Variants in ITGB1 observed in about 807,000 individuals in gnomAD.
The protein encoded by ITGB1 is integrin subunit beta 1.
ITGB1 carries 24 observed loss-of-function variants against 86.5 expected under a neutral mutation model. The observed-to-expected ratio is 0.28, with a 90% confidence interval of 0.20 to 0.39. ITGB1 has a LOEUF of 0.39. Ranked by LOEUF, ITGB1 falls within the 10% of genes least tolerant of loss-of-function variation. ITGB1 has a pLI of 1.00. For missense variants in ITGB1, 556 were observed against 946.9 expected, an observed-to-expected ratio of 0.59 and a Z score of 5.42; for synonymous variants, 323 against 316.8, an observed-to-expected ratio of 1.02 and a Z score of -0.21.
intron 1 of ITGB1, among the ~76,000 whole-genome samples, chr10:32,938,630 A>G (rs1410945961): frequency 4.6e-5 from 7 of 152,226 alleles, no homozygotes; most frequent in African/African-American, 1.4e-4. Context: ...CAGGCGAAAC[A>G]AGGCTTCAGT....
intron 15 of ITGB1, among the ~76,000 whole-genome samples, chr10:32,907,941 G>A (rs2094901716): frequency 6.6e-6 from 1 of 152,216 alleles, no homozygotes; most frequent in Non-Finnish European, 1.5e-5. Context: ...CCGACGAGCT[G>A]CGAGTTGGAC....
At position 32,911,612 on chromosome 10, in the gene ITGB1, T is replaced by A; in HGVS notation, c.1767A>T (p.Ala589=). 5 of 1,614,200 alleles carry A rather than the reference T, an allele frequency of 3.1e-6. No homozygotes were observed. The highest frequency in any genetic ancestry group is 4.2e-6 in the Non-Finnish European group (5 of 1,180,018). Residue 589 remains alanine (A), a synonymous_variant, in exon 13 of 16, where the codon GCA becomes GCT. Transcript: ENST00000302278. ...TACTAGTATCCAAAGAACAGTCACA[T>A]GCACTGCCAGTGTAGTTGGGGTTGC... ...CECNPNYTGS[A]CDCSLDTSTC... is the part of the protein sequence containing the mutation.
At position 32,911,651 on chromosome 10, in the gene ITGB1, A is replaced by G; in HGVS notation, c.1728T>C (p.Cys576=). The G allele has an allele frequency of 1.2e-6, 2 of 1,614,146 alleles. No homozygotes were observed. The highest frequency in any genetic ancestry group is 2.2e-5 in the East Asian group (1 of 44,890). Reference sequence around the variant, plus strand: ...AGTTGGGGTTGCACTCACACACACGACACTTGCAAACACCATTTCCTGCAA... The same window carrying G: ...AGTTGGGGTTGCACTCACACACACGGCACTTGCAAACACCATTTCCTGCAA... ...LICGGNGVCK[C]RVCECNPNYT... The change falls in exon 13 of 16, where the codon TGT becomes TGC. Residue 576 remains cysteine (C), a synonymous_variant. Transcript: ENST00000302278.
intron 1 of ITGB1, among the ~76,000 whole-genome samples, chr10:32,939,669 TACC>T (rs2095013110): frequency 6.6e-6 from 1 of 152,176 alleles, no homozygotes; most frequent in Non-Finnish European, 1.5e-5. Flanking sequence ...GCACCTCTAT[TACC>T]ATGAATATAG....
At chr10:32,917,444 C>G (rs925517236) in intron 11 of ITGB1, among the ~76,000 whole-genome samples, 1 of 152,214 alleles carries the variant, frequency 6.6e-6, no homozygotes, top group African/African-American at 2.4e-5. Context: ...ATCTACCCAT[C>G]TGACAAAGGG....
chr10:32,935,433 C>T (rs571992175), intron 2 of ITGB1, 59 bp downstream of exon 2: 6 of 1,064,868 alleles, frequency 5.6e-6, no homozygotes, highest in African/African-American at 4.7e-5. Context: ...CCTAACTGGT[C>T]AAAGCGCAAT....
chr10:32,926,680 T>C (rs1199058283), intron 5 of ITGB1, among the ~76,000 whole-genome samples: 1 of 152,164 alleles, frequency 6.6e-6, no homozygotes, highest in Non-Finnish European at 1.5e-5. Context: ...TGCAGGACCG[T>C]AAACCAATTA....
intron 1 of ITGB1, among the ~76,000 whole-genome samples, chr10:32,956,396 AT>A (rs937511756): frequency 6.7e-6 from 1 of 149,192 alleles, no homozygotes; most frequent in African/African-American, 2.5e-5. Context: ...TAAAACTACA[AT>A]TAAAAAAAAA....
chr10:32,922,405 TC>T, intron 8 of ITGB1, 59 bp from the exon 9 acceptor site: 1 of 1,157,496 alleles, frequency 8.6e-7, no homozygotes, highest in Non-Finnish European at 1.3e-6. Context: ...CCAATTAGGA[TC>T]CACTGAGCAA....
intron 7 of ITGB1, among the ~76,000 whole-genome samples, chr10:32,923,121 T>C (rs1012026541): frequency 6.6e-6 from 1 of 152,244 alleles, no homozygotes; most frequent in African/African-American, 2.4e-5. Flanking sequence ...TTAAATATTC[T>C]ATTATCTACA....
Position 32,902,933 on chromosome 10 carries a change from G to A in ITGB1, c.2332-1298C>T, listed in dbSNP as rs184199443. ...AAGTTATTAACTTTAAGAAGATTAA[G>A]GAGATTTTCATTGTGAAATTGACTA... On this transcript the variant is annotated intron_variant, in intron 15 of 15. Coordinates refer to ENST00000302278, the MANE Select transcript of ITGB1 (RefSeq NM_002211.4). Among the ~76,000 whole-genome samples the A allele has an allele frequency of 1.7e-4, 26 of 152,250 alleles. No homozygotes were observed. The East Asian group carries it at 5.0e-3, about 29-fold the overall frequency.
At chr10:32,911,744 C>A (rs1477451501) in intron 12 of ITGB1, 74 bp from the exon 13 acceptor site, 2 of 1,524,446 alleles carry the variant, frequency 1.3e-6, no homozygotes, top group East Asian at 2.3e-5. Context: ...GTAAAATAAG[C>A]AACAACATGT....
intron 14 of ITGB1, among the ~76,000 whole-genome samples, chr10:32,909,245 G>A (rs980688786): frequency 1.3e-5 from 2 of 152,134 alleles, no homozygotes; most frequent in African/African-American, 4.8e-5. Flanking sequence ...CAACAAAGGT[G>A]GAGAAAAGAC....
intron 6 of ITGB1, among the ~76,000 whole-genome samples, chr10:32,925,533 T>C (rs1301881185): frequency 1.3e-5 from 2 of 152,160 alleles, no homozygotes; most frequent in African/African-American, 2.4e-5. Context: ...CTATCTCTAG[T>C]ACAAAGCCAG....
At chr10:32,903,452 G>A (rs2094887858) in intron 15 of ITGB1, among the ~76,000 whole-genome samples, 1 of 45,684 alleles carries the variant, frequency 2.2e-5, no homozygotes, top group Non-Finnish European at 7.6e-5. Context: ...GCCTTGCTAT[G>A]AAGTCTGAAA....
intron 5 of ITGB1, 115 bp from the exon 6 acceptor site, chr10:32,926,224 G>A: frequency 1.3e-6 from 1 of 763,634 alleles, no homozygotes; most frequent in African/African-American, 1.8e-5. Flanking sequence ...ACTATGGACT[G>A]AATGTCTGTG....
intron 1 of ITGB1, chr10:32,944,523 T>A: frequency 1.2e-5 from 5 of 425,482 alleles, no homozygotes; most frequent in South Asian, 9.5e-5. Context: ...ATCAACATGC[T>A]GCGGGGCACA....
rs1487691064 is a variant in ITGB1 at position 32,912,098 on chromosome 10, T to C, written c.1496A>G (p.His499Arg). The C allele has an allele frequency of 2.5e-6, 4 of 1,613,972 alleles. No individual in the cohort carries two copies. The highest frequency in any genetic ancestry group is 1.3e-5 in the African/African-American group (1 of 75,062). The change falls in exon 12 of 16, where the codon CAT becomes CGT. Residue 499 changes from histidine to arginine, a missense_variant. His to Arg is a conservative substitution (Grantham distance 29, BLOSUM62 0). Around this residue, in one of 4 missense-constraint regions of ITGB1, gnomAD observed 330 missense variants for 531.5 expected, o/e 0.62. Transcript: ENST00000302278. Reference protein sequence around the residue: ...CRCNEGRVGRHCECSTDEVNS... With the variant: ...CRCNEGRVGRRCECSTDEVNS... Reference sequence around the variant, plus strand: ...AACTTCATCTGTGCTGCATTCACAATGTCTACCAACACGCCCTTCATTGCA... The same window carrying C: ...AACTTCATCTGTGCTGCATTCACAACGTCTACCAACACGCCCTTCATTGCA...
chr10:32,927,651 G>C (rs912423497), intron 5 of ITGB1, among the ~76,000 whole-genome samples: 1 of 152,118 alleles, frequency 6.6e-6, no homozygotes, highest in Non-Finnish European at 1.5e-5. Flanking sequence ...AAAATTAGTT[G>C]GGGGTGGTGG....
Sources: gnomAD v4.1 joint callset for allele counts (sites outside exome capture counted in the v4.1 genomes callset) on GRCh38, gnomAD v4.1.1 for gene constraint, gnomAD v4.1.1 regional missense constraint, MANE v1.5 for transcripts, NCBI Gene and HGNC (gene_info 2026-07-23, HGNC 2026-07-21) for gene names.